The following RPS6KA3 variants were observed in gnomAD, a reference collection of about 807,000 sequenced individuals.
RPS6KA3 encodes ribosomal protein S6 kinase alpha-3.
Under a neutral mutation model 67.2 loss-of-function variants are expected in RPS6KA3, and 4 were observed. The observed-to-expected ratio is 0.06, with a 90% CI of 0.03 to 0.14. The LOEUF (loss-of-function observed/expected upper bound fraction) is 0.14. Ranked by LOEUF, RPS6KA3 falls within the 10% of genes least tolerant of loss-of-function variation. The pLI is 1.00. For missense variants in RPS6KA3, 204 were observed against 559.0 expected (o/e 0.36, Z 6.40); for synonymous variants, 182 against 183.7 (o/e 0.99, Z 0.07).
intron 17 of RPS6KA3, 102 bp downstream of exon 17, chrX:20,167,477 CTAATAGCAGT>C (rs1411716922): frequency 5.7e-6 from 4 of 700,744 alleles, no homozygotes; most frequent in Non-Finnish European, 9.2e-6. Flanking sequence ...GATAATTCAG[CTAATAGCAGT>C]TATTTTCCAT....
chrX:20,227,458 G>A lies in RPS6KA3; in HGVS notation c.126+7300C>T, dbSNP rs150142314. On this transcript the variant is annotated intron_variant, in intron 2 of 21. Transcript: ENST00000379565. ...AAGCATTTTAAAGGCGTTGCTCCTT[G>A]TTTTCTAACTTTTGATGCTGAAAAG... 3.2e-4 allele frequency among the ~76,000 whole-genome samples: 36 copies of A among 111,337 alleles called. No homozygotes were observed. The East Asian group carries it at 9.8e-3, about 30-fold the overall frequency.
At chrX:20,210,229 T>G (rs1422698505) in intron 2 of RPS6KA3, among the ~76,000 whole-genome samples, 1 of 112,119 alleles carries the variant, frequency 8.9e-6, no homozygotes, top group Admixed American at 9.4e-5. Context: ...ATCAGCAGAT[T>G]AGGTTATCTT....
chrX:20,152,716 G>C lies in RPS6KA3; in HGVS notation c.*2682C>G, dbSNP rs1170424876. The C allele has an allele frequency of 8.9e-6, 1 of 112,390 alleles. No homozygotes were observed. Among genetic ancestry groups the C allele is most frequent in the African/African-American group, 3.2e-5 (1 of 30,928 alleles). 9.3% of individuals were successfully genotyped at this position (112,390 alleles called of 1,213,427 possible). On this transcript the variant is annotated 3_prime_UTR_variant, in exon 22 of 22. Coordinates refer to ENST00000379565, the MANE Select transcript of RPS6KA3 (RefSeq NM_004586.3). ...CAAAAGCAATGGAAGAGAATAAGAG[G>C]ACCACAGATGAAATAAATTTAGGTA...
intron 2 of RPS6KA3, among the ~76,000 whole-genome samples, chrX:20,222,038 C>T (rs188722648): frequency 0.01 from 1,167 of 112,781 alleles, 6 homozygotes; most frequent in Middle Eastern, 0.018. Flanking sequence ...ACTGTGTTTG[C>T]CCACAATGGC....
chrX:20,171,586 A>C (rs1192451506), intron 15 of RPS6KA3, among the ~76,000 whole-genome samples: 1 of 111,739 alleles, frequency 8.9e-6, no homozygotes, highest in Admixed American at 9.5e-5. Context: ...ATTTCAGTAG[A>C]ATCCAGTTGT....
intron 18 of RPS6KA3, among the ~76,000 whole-genome samples, chrX:20,164,421 T>C (rs1341935374): frequency 9.5e-6 from 1 of 104,855 alleles, no homozygotes; most frequent in African/African-American, 3.5e-5. Context: ...GGTTCTTGCT[T>C]TGTGACCCAG....
Position 20,153,792 on chromosome X carries a change from G to A in RPS6KA3, c.*1606C>T, listed in dbSNP as rs1352918835. The A allele has an allele frequency of 9.1e-6, 1 of 110,321 alleles. No individual in the cohort carries two copies. The allele number at this position is 110,321 out of a possible 1,213,427, so 9.1% of individuals were successfully genotyped here. A position where few individuals can be genotyped will look rare whatever the true frequency, so the allele number is the denominator to read the frequency against. ...ACGCCACCATGCCCAGCTAATTTTT[G>A]TATTTTTTAGTAGAGACGGGGTTTC... On this transcript the variant is annotated 3_prime_UTR_variant, in exon 22 of 22. Transcript: ENST00000379565.
intron 2 of RPS6KA3, among the ~76,000 whole-genome samples, chrX:20,221,018 CACATT>C (rs2068975145): frequency 1.8e-5 from 2 of 112,184 alleles, no homozygotes; most frequent in African/African-American, 6.5e-5. Context: ...TCCTTATAAT[CACATT>C]ACAACTCATC....
chrX:20,187,321 C>T (rs181072777), intron 9 of RPS6KA3, among the ~76,000 whole-genome samples: 7 of 111,304 alleles, frequency 6.3e-5, no homozygotes, highest in African/African-American at 2.0e-4. Context: ...CAGGTTCTAG[C>T]GATTCTCCAG....
chrX:20,188,904 T>A lies in RPS6KA3; in HGVS notation c.594-370A>T, dbSNP rs72620223. ...GGTCCACACATTTAATTCAAAAACA[T>A]CAGACATGTCATTCTCTTGGTTATT... On this transcript the variant is annotated intron_variant, in intron 7 of 21. Coordinates refer to ENST00000379565, the MANE Select transcript of RPS6KA3 (RefSeq NM_004586.3). Among the ~76,000 whole-genome samples, 81 of 112,486 alleles carry A rather than the reference T, an allele frequency of 7.2e-4. 3 individuals are homozygous for A. In the East Asian group the frequency reaches 0.018, roughly 24 times the overall value.
At chrX:20,195,733 G>A (rs2068255024) in intron 4 of RPS6KA3, among the ~76,000 whole-genome samples, 1 of 111,985 alleles carries the variant, frequency 8.9e-6, no homozygotes, top group Admixed American at 9.5e-5. Context: ...TCAGATCTGT[G>A]TAATCTTTTT....
At chrX:20,159,600 T>C (rs537585536) in intron 20 of RPS6KA3, among the ~76,000 whole-genome samples, 1 of 112,177 alleles carries the variant, frequency 8.9e-6, no homozygotes, top group African/African-American at 3.2e-5. Flanking sequence ...GTCTCCATTC[T>C]TACCTGCCCT....
At chrX:20,265,990 T>G (rs2147096358) in intron 1 of RPS6KA3, 1 of 111,611 alleles carries the variant, frequency 9.0e-6, no homozygotes, top group African/African-American at 3.3e-5. Context: ...TTCCGCTTTC[T>G]TCTTTGCAGC....
intron 2 of RPS6KA3, among the ~76,000 whole-genome samples, chrX:20,218,509 T>A: frequency 9.0e-6 from 1 of 111,082 alleles, no homozygotes; most frequent in Non-Finnish European, 1.9e-5. Context: ...TGTTTTACTA[T>A]ACAAAATTAC....
intron 6 of RPS6KA3, 64 bp from the exon 7 acceptor site, chrX:20,193,657 C>T (rs1041930134): frequency 6.0e-6 from 4 of 669,075 alleles, no homozygotes; most frequent in Non-Finnish European, 9.2e-6. Flanking sequence ...TTTAAAGTTC[C>T]ACTCTAGAGT....
At chrX:20,223,549 C>A (rs2069036972) in intron 2 of RPS6KA3, among the ~76,000 whole-genome samples, 1 of 111,865 alleles carries the variant, frequency 8.9e-6, no homozygotes, top group Non-Finnish European at 1.9e-5. Flanking sequence ...TACTGTTACA[C>A]TTAGTATTCT....
Position 20,175,367 on chromosome X carries a change from T to C in RPS6KA3, c.1103-79A>G. ...AAAACTGTTGACACTATGACCTTTT[T>C]CACTTATTCTGGAATTCTATTTCTC... On this transcript the variant is annotated intron_variant, in intron 13 of 21. Coordinates refer to ENST00000379565, the MANE Select transcript of RPS6KA3 (RefSeq NM_004586.3). 3 of 1,021,218 alleles carry C rather than the reference T, an allele frequency of 2.9e-6. No individual in the cohort carries two copies. The South Asian group carries it at 5.8e-5, about 20-fold the overall frequency. The allele number at this position is 1,021,218 out of a possible 1,213,427, so 84.2% of individuals were successfully genotyped here. A position where few individuals can be genotyped will look rare whatever the true frequency, so the allele number is the denominator to read the frequency against.
chrX:20,263,607 A>T (rs2070294111), intron 1 of RPS6KA3, among the ~76,000 whole-genome samples: 1 of 111,885 alleles, frequency 8.9e-6, no homozygotes, highest in Non-Finnish European at 1.9e-5. Context: ...TTAAAGCAGG[A>T]AGGCCAGTGT....
At chrX:20,201,561 C>A (rs2068434067) in intron 4 of RPS6KA3, among the ~76,000 whole-genome samples, 1 of 111,697 alleles carries the variant, frequency 9.0e-6, no homozygotes, top group Non-Finnish European at 1.9e-5. Flanking sequence ...AATGGTATTT[C>A]TTATCAATTC....
Sources: allele counts gnomAD v4.1 joint callset (sites outside exome capture counted in the v4.1 genomes callset), GRCh38; gene constraint gnomAD v4.1.1; transcripts MANE v1.5; gene names NCBI Gene and HGNC (gene_info 2026-07-23, HGNC 2026-07-21).